FMN2: variants seen among roughly 807,000 people sequenced by gnomAD.
FMN2 encodes formin 2, also known as formin-2.
Under a neutral mutation model 142.3 loss-of-function variants are expected in FMN2, and 51 were observed. The observed-to-expected ratio is 0.36, with a 90% CI of 0.29 to 0.45. The LOEUF is 0.45. FMN2 is among the 20% of genes least tolerant of loss of function. The pLI, the probability that FMN2 is intolerant of heterozygous loss-of-function variation, is 1.00. For synonymous variants in FMN2, 882 were observed against 869.8 expected (o/e 1.01, Z -0.25); for missense variants, 1,936 against 2,122.8 (o/e 0.91, Z 1.73).
At chr1:240,313,591 G>A (rs982537804) in intron 8 of FMN2, among the ~76,000 whole-genome samples, 12 of 152,198 alleles carry the variant, frequency 7.9e-5, no homozygotes, top group African/African-American at 2.9e-4. Context: ...AGATACTGCA[G>A]CATGGTTTTA....
chr1:240,144,036 A>C (rs754049815), intron 2 of FMN2: 3 of 1,124,066 alleles, frequency 2.7e-6, no homozygotes, highest in East Asian at 4.7e-5. Context: ...ACTATGCCAC[A>C]GGCAAGAAGA....
intron 8 of FMN2, among the ~76,000 whole-genome samples, chr1:240,299,012 G>A (rs564311984): frequency 1.3e-4 from 19 of 151,490 alleles, no homozygotes; most frequent in African/African-American, 2.2e-4. Context: ...GTGCAGTGGC[G>A]CAGTCTTGGC....
intron 2 of FMN2, chr1:240,170,066 G>T: frequency 1.7e-6 from 1 of 585,010 alleles, no homozygotes; most frequent in Non-Finnish European, 3.0e-6. Flanking sequence ...TCACAGATAA[G>T]CCAATCATGG....
Position 240,298,879 on chromosome 1 carries a change from C to T in FMN2, c.4215+3996C>T, listed in dbSNP as rs1040036113. Among the ~76,000 whole-genome samples, 8 of 152,190 alleles carry T rather than the reference C, an allele frequency of 5.3e-5. No individual in the cohort carries two copies. The East Asian group carries it at 1.4e-3, about 26-fold the overall frequency. The stretch of plus-strand genomic sequence containing the variant: ...CTTTCTTCCTTTCCTGGGAATTTTC[C>T]ACTTTTTGCTTTATGTTATCTTTAT... On this transcript the variant is annotated intron_variant, in intron 8 of 17. Coordinates refer to ENST00000319653, the MANE Select transcript of FMN2 (RefSeq NM_020066.5).
At chr1:240,328,424 G>A (rs1029575617) in intron 8 of FMN2, among the ~76,000 whole-genome samples, 1 of 151,526 alleles carries the variant, frequency 6.6e-6, no homozygotes, top group Admixed American at 6.6e-5. Context: ...TTATAGACAG[G>A]CAAAATAACA....
intron 2 of FMN2, among the ~76,000 whole-genome samples, chr1:240,129,503 G>GC (rs1443580489): frequency 7.1e-6 from 1 of 140,444 alleles, no homozygotes; most frequent in Non-Finnish European, 1.5e-5. Flanking sequence ...GCCTGCTGAT[G>GC]CCTTTTTTTT....
chr1:240,110,055 T>C lies in FMN2; in HGVS notation c.1616-13124T>C, dbSNP rs987342985. 6.6e-5 allele frequency among the ~76,000 whole-genome samples: 10 copies of C among 152,048 alleles called. No homozygotes were observed. The East Asian group carries it at 1.9e-3, about 29-fold the overall frequency. ...CAGTGTGTTCTACACAGACTGCTTTTAAAATGTTCCTTCTTGGGCTTTGGT... is the reference window on the plus strand; with the variant it reads ...CAGTGTGTTCTACACAGACTGCTTTCAAAATGTTCCTTCTTGGGCTTTGGT... On this transcript the variant is annotated intron_variant, in intron 1 of 17. Transcript: ENST00000319653.
At chr1:240,328,095 C>A (rs1671234204) in intron 8 of FMN2, among the ~76,000 whole-genome samples, 1 of 130,076 alleles carries the variant, frequency 7.7e-6, no homozygotes, top group African/African-American at 3.0e-5. Context: ...TTGTAGTGAG[C>A]AGATGTGGCG....
At chr1:240,138,278 A>AG (rs1663036883) in intron 2 of FMN2, among the ~76,000 whole-genome samples, 1 of 151,916 alleles carries the variant, frequency 6.6e-6, no homozygotes, top group South Asian at 2.1e-4. Flanking sequence ...GTAGGGACTG[A>AG]GGGGTGTGCT....
chr1:240,228,328 A>AAAAAAAG (rs1558380489), intron 6 of FMN2, among the ~76,000 whole-genome samples: 2 of 66,364 alleles, frequency 3.0e-5, no homozygotes, highest in Admixed American at 1.3e-4. Flanking sequence ...AAAAAAAAAA[A>AAAAAAAG]AAAAGAAAAA....
At chr1:240,353,552 C>A (rs1348505628) in intron 13 of FMN2, among the ~76,000 whole-genome samples, 1 of 152,174 alleles carries the variant, frequency 6.6e-6, no homozygotes, top group Admixed American at 6.5e-5. Context: ...TTTCAAGTAG[C>A]TCAGTCTAGT....
At chr1:240,405,120 T>A (rs1674103444) in intron 15 of FMN2, among the ~76,000 whole-genome samples, 1 of 152,174 alleles carries the variant, frequency 6.6e-6, no homozygotes, top group African/African-American at 2.4e-5. Flanking sequence ...CTTAAACTTT[T>A]GTGCCCTAAA....
chr1:240,280,880 A>C (rs551229675), intron 7 of FMN2, among the ~76,000 whole-genome samples: 87 of 152,272 alleles, frequency 5.7e-4, no homozygotes, highest in Admixed American at 5.2e-4. Context: ...TGGTCAAATC[A>C]ACAAACCTCT....
At chr1:240,349,831 A>G (rs947272085) in intron 13 of FMN2, among the ~76,000 whole-genome samples, 24 of 152,340 alleles carry the variant, frequency 1.6e-4, no homozygotes, top group African/African-American at 5.8e-4. Context: ...ACAGTCTCCT[A>G]ACAAATGTTT....
chr1:240,378,553 T>C (rs1673123549), intron 14 of FMN2, among the ~76,000 whole-genome samples: 2 of 152,220 alleles, frequency 1.3e-5, no homozygotes, highest in South Asian at 4.1e-4. Context: ...CAGTGATTTT[T>C]CTGTCTCCAT....
intron 16 of FMN2, among the ~76,000 whole-genome samples, chr1:240,471,260 T>C (rs1676798635): frequency 6.6e-6 from 1 of 152,252 alleles, no homozygotes; most frequent in African/African-American, 2.4e-5. Flanking sequence ...GCTCAGTTTT[T>C]AGAAACTGCT....
At position 240,355,951 on chromosome 1, in the gene FMN2, C is replaced by CAAAAAAAAAAA. The variant is rs58002724; in HGVS notation, c.4858+68_4858+78dup. On this transcript the variant is annotated intron_variant, in intron 14 of 17. Coordinates refer to ENST00000319653, the MANE Select transcript of FMN2 (RefSeq NM_020066.5). ...GTGTTATGTTTTTCTCCCCTTTCAG[C>CAAAAAAAAAAA]AAAAAAAAAAAAAAAAAAAAAAAAA... The CAAAAAAAAAAA allele has an allele frequency of 3.4e-4, 87 of 252,852 alleles. 4 individuals are homozygous for CAAAAAAAAAAA. Among genetic ancestry groups the CAAAAAAAAAAA allele is most frequent in the African/African-American group, 8.1e-4 (21 of 25,936 alleles). 15.7% of individuals were successfully genotyped at this position (252,852 alleles called of 1,614,324 possible). A position where few individuals can be genotyped will look rare whatever the true frequency, so the allele number is the denominator to read the frequency against.
intron 7 of FMN2, among the ~76,000 whole-genome samples, chr1:240,262,302 TTC>T (rs1271460813): frequency 6.6e-6 from 1 of 152,136 alleles, no homozygotes. Context: ...GCTGGATCAC[TTC>T]TCTGAGTTCG....
intron 7 of FMN2, among the ~76,000 whole-genome samples, chr1:240,264,741 A>G (rs758360028): frequency 2.0e-5 from 3 of 152,124 alleles, no homozygotes; most frequent in African/African-American, 4.8e-5. Flanking sequence ...ATAGTATTCC[A>G]TGGTGTATAT....
Sources: allele counts gnomAD v4.1 joint callset (sites outside exome capture counted in the v4.1 genomes callset), GRCh38; gene constraint gnomAD v4.1.1; transcripts MANE v1.5; gene names NCBI Gene and HGNC (gene_info 2026-07-23, HGNC 2026-07-21).